The following ALX1 variants were observed in gnomAD, a reference collection of about 807,000 sequenced individuals.
ALX1 encodes ALX homeobox protein 1.
ALX1 carries 19 observed loss-of-function variants against 31.7 expected under a neutral mutation model. That is an observed-to-expected ratio of 0.60 (90% CI 0.42 to 0.88). The LOEUF is 0.88. Among genes scored for constraint, ALX1 ranks in the 40% least tolerant of loss-of-function variants. The pLI, the probability that ALX1 is intolerant of heterozygous loss-of-function variation, is 0.00. For synonymous variants in ALX1, 153 were observed against 148.8 expected, an observed-to-expected ratio of 1.03 and a Z score of -0.20; for missense variants, 415 against 407.8, an observed-to-expected ratio of 1.02 and a Z score of -0.15.
At chr12:85,300,223 G>A (rs954798185) in intron 3 of ALX1, among the ~76,000 whole-genome samples, 1 of 151,898 alleles carries the variant, frequency 6.6e-6, no homozygotes, top group Non-Finnish European at 1.5e-5. Flanking sequence ...TCTATATCAT[G>A]TTTCTTTTAC....
At chr12:85,297,752 A>G (rs977173442) in intron 3 of ALX1, among the ~76,000 whole-genome samples, 1 of 151,690 alleles carries the variant, frequency 6.6e-6, no homozygotes, top group Non-Finnish European at 1.5e-5. Flanking sequence ...TAAATGAATC[A>G]GAGTCTCCAA....
At chr12:85,280,537 A>C in intron 1 of ALX1, 50 bp downstream of exon 1, 1 of 1,579,070 alleles carries the variant, frequency 6.3e-7, no homozygotes, top group Non-Finnish European at 8.6e-7. Flanking sequence ...TCCGCAATCG[A>C]AAATGCAGGA....
rs766955975 is a variant in ALX1 at position 85,280,409 on chromosome 12, G to A, written c.148G>A (p.Val50Met). 13 of 1,613,410 alleles carry A rather than the reference G, an allele frequency of 8.1e-6. No homozygotes were observed. Among genetic ancestry groups the A allele is most frequent in the South Asian group, 1.1e-5 (1 of 91,064 alleles). Residue 50 changes from valine to methionine, a missense_variant, in exon 1 of 4, where the codon GTG (valine) becomes ATG (methionine). Val to Met is a conservative substitution (Grantham distance 21). Coordinates refer to ENST00000316824, the MANE Select transcript of ALX1 (RefSeq NM_006982.3). The part of the protein sequence containing the change: ...FYSKASAGKC[V>M]QAFGPLPRAE... ...CAGCAAAGCGTCTGCAGGCAAATGC[G>A]TGCAGGCCTTCGGACCCCTGCCCCG...
intron 3 of ALX1, among the ~76,000 whole-genome samples, chr12:85,298,511 A>C (rs1896919453): frequency 6.6e-6 from 1 of 151,760 alleles, no homozygotes; most frequent in Non-Finnish European, 1.5e-5. Context: ...TAAATTTACA[A>C]TGTGGAAACC....
At position 85,288,165 on chromosome 12, in the gene ALX1, C is replaced by T. The variant is rs868711007; in HGVS notation, c.660+1184C>T. ...CCTTCCTTTAAAAAAGTTATGAAAA[C>T]GGGCTCAATTGAGTTAAGGAATTGG... On this transcript the variant is annotated intron_variant, in intron 3 of 3. Transcript: ENST00000316824. Among the ~76,000 whole-genome samples, 8 of 151,456 alleles carry T rather than the reference C, an allele frequency of 5.3e-5. No individual in the cohort carries two copies. In the East Asian group the frequency reaches 7.8e-4, roughly 15 times the overall value.
Position 85,283,570 on chromosome 12 carries a change from A to T in ALX1, c.227-2A>T. On this transcript the variant is annotated splice_acceptor_variant, in intron 1 of 3. Transcript: ENST00000316824. LOFTEE classifies it high-confidence loss of function. The stretch of plus-strand genomic sequence containing the variant: ...CTGTTGTTTTTCCTCCTCTGGGTAC[A>T]GTGAACTATGGGATCACTAAAGTAG... 1 of 1,614,094 alleles carries T rather than the reference A, an allele frequency of 6.2e-7. No homozygotes were observed. Among genetic ancestry groups the T allele is most frequent in the Non-Finnish European group, 8.5e-7 (1 of 1,179,950 alleles).
intron 2 of ALX1, 85 bp downstream of exon 2, chr12:85,283,961 G>A: frequency 1.5e-6 from 2 of 1,368,390 alleles, no homozygotes; most frequent in Non-Finnish European, 2.1e-6. Flanking sequence ...TTGCCACAAA[G>A]AAACAAACTG....
intron 1 of ALX1, among the ~76,000 whole-genome samples, chr12:85,282,114 A>G (rs1348922672): frequency 6.6e-6 from 1 of 151,708 alleles, no homozygotes; most frequent in African/African-American, 2.4e-5. Context: ...CCCCATCCCT[A>G]ATTGCTGCAG....
chr12:85,282,258 TAGAC>T (rs1290075834), intron 1 of ALX1, among the ~76,000 whole-genome samples: 1 of 152,108 alleles, frequency 6.6e-6, no homozygotes, highest in African/African-American at 2.4e-5. Context: ...TATATATATA[TAGAC>T]AAATTATAGT....
chr12:85,288,013 C>G (rs1896771215), intron 3 of ALX1, among the ~76,000 whole-genome samples: 1 of 151,376 alleles, frequency 6.6e-6, no homozygotes, highest in Non-Finnish European at 1.5e-5. Context: ...TCCTTGTGTT[C>G]CTATGCCTTT....
rs146144611 is a variant in ALX1, at chr12:85,296,683, T to C, written c.661-4472T>C. On this transcript the variant is annotated intron_variant, in intron 3 of 3. Transcript: ENST00000316824. ...GAAATGTTTTTAGATTCTCCACTCC[T>C]TTTAAACACAACAAAGAAAAAAAAA... Among the ~76,000 whole-genome samples, 1,185 of 151,730 alleles carry C rather than the reference T, an allele frequency of 7.8e-3. 19 individuals are homozygous for C. The highest frequency in any genetic ancestry group is 0.027 in the African/African-American group (1,118 of 41,476).
At chr12:85,283,063 A>T (rs905418672) in intron 1 of ALX1, among the ~76,000 whole-genome samples, 5 of 152,248 alleles carry the variant, frequency 3.3e-5, no homozygotes, top group African/African-American at 1.2e-4. Flanking sequence ...ATAATGTCAC[A>T]TCTGAAATCT....
chr12:85,289,528 T>C (rs1311195146), intron 3 of ALX1, among the ~76,000 whole-genome samples: 1 of 151,222 alleles, frequency 6.6e-6, no homozygotes, highest in Non-Finnish European at 1.5e-5. Flanking sequence ...GTTGCACTAA[T>C]TATTCCTCAT....
intron 3 of ALX1, among the ~76,000 whole-genome samples, chr12:85,287,992 ATGT>A (rs1210053157): frequency 2.0e-5 from 3 of 151,466 alleles, no homozygotes; most frequent in Admixed American, 6.6e-5. Flanking sequence ...CAGTTCTTTA[ATGT>A]TGTTCTTTCC....
At chr12:85,295,545 C>T (rs1279550403) in intron 3 of ALX1, among the ~76,000 whole-genome samples, 1 of 151,232 alleles carries the variant, frequency 6.6e-6, no homozygotes, top group Non-Finnish European at 1.5e-5. Context: ...AAACATTATG[C>T]CAAAGAGGAA....
At chr12:85,290,295 C>T (rs1896801961) in intron 3 of ALX1, among the ~76,000 whole-genome samples, 1 of 151,084 alleles carries the variant, frequency 6.6e-6, no homozygotes, top group Non-Finnish European at 1.5e-5. Context: ...AGACACTGTG[C>T]TTCCTTCTTG....
intron 3 of ALX1, among the ~76,000 whole-genome samples, chr12:85,288,221 A>G (rs1896773529): frequency 6.6e-6 from 1 of 151,520 alleles, no homozygotes. Context: ...TTCCTGCAGG[A>G]GAGACTGTAA....
In ALX1 at chr12:85,283,881, G is replaced by T; in HGVS notation, c.531+5G>T. 6.2e-7 allele frequency: 1 copy of T among 1,613,526 alleles called. No homozygotes were observed. Among genetic ancestry groups the T allele is most frequent in the African/African-American group, 1.3e-5 (1 of 75,020 alleles). On this transcript the variant is annotated splice_donor_5th_base_variant and intron_variant, in intron 2 of 3. Transcript: ENST00000316824. ...CTCACTGAGGCCAGGGTCCAGGTAG[G>T]AGCCAAAAAGAGGCCTTGATGGATG...
intron 1 of ALX1, 29 bp downstream of exon 1, chr12:85,280,516 G>T: frequency 6.2e-7 from 1 of 1,603,382 alleles, no homozygotes; most frequent in Non-Finnish European, 8.5e-7. Context: ...AGCCGGAGCC[G>T]CCGCAGCCCT....
Sources: gnomAD v4.1 joint callset for allele counts (sites outside exome capture counted in the v4.1 genomes callset) on GRCh38, gnomAD v4.1.1 for gene constraint, MANE v1.5 for transcripts, NCBI Gene and HGNC (gene_info 2026-07-23, HGNC 2026-07-21) for gene names.